The following NCAPG2 variants were observed in gnomAD, a reference collection of about 807,000 sequenced individuals.
NCAPG2 encodes non-SMC condensin II complex subunit G2.
A neutral mutation model predicts 141.1 loss-of-function variants in NCAPG2; 53 were observed. The ratio of observed to expected loss-of-function variants is 0.38; its 90% confidence interval spans 0.30 to 0.47. The LOEUF is 0.47. Among genes scored for constraint, NCAPG2 ranks in the 20% least tolerant of loss-of-function variants. NCAPG2 has a pLI of 0.99. For missense variants in NCAPG2, 1,087 were observed against 1,389.0 expected (o/e 0.78, Z 3.46); for synonymous variants, 499 against 490.7 (o/e 1.02, Z -0.22).
At chr7:158,658,953 G>A (rs531735950) in intron 16 of NCAPG2, among the ~76,000 whole-genome samples, 9 of 150,264 alleles carry the variant, frequency 6.0e-5, no homozygotes, top group Non-Finnish European at 1.2e-4. Context: ...TGAGGTGAGA[G>A]GACTGCGTGA....
chr7:158,652,748 T>C (rs1342261873), intron 22 of NCAPG2, among the ~76,000 whole-genome samples: 2 of 152,216 alleles, frequency 1.3e-5, no homozygotes, highest in East Asian at 3.8e-4. Flanking sequence ...AAACTAAAAA[T>C]TGTGTTCATT....
intron 13 of NCAPG2, among the ~76,000 whole-genome samples, chr7:158,669,475 A>C (rs1336943627): frequency 2.0e-5 from 3 of 152,110 alleles, no homozygotes; most frequent in African/African-American, 7.2e-5. Context: ...TGAAATTGAC[A>C]TGCTTGGCCG....
intron 17 of NCAPG2, among the ~76,000 whole-genome samples, chr7:158,658,022 C>CA (rs1563521747): frequency 6.6e-6 from 1 of 151,888 alleles, no homozygotes; most frequent in Non-Finnish European, 1.5e-5. Flanking sequence ...CTGCGGAAGG[C>CA]CGCAGGGTCC....
intron 7 of NCAPG2, 57 bp from the exon 8 acceptor site, chr7:158,686,298 A>T: frequency 9.5e-7 from 1 of 1,055,066 alleles, no homozygotes; most frequent in Admixed American, 2.6e-5. Flanking sequence ...TTCTTTCAAC[A>T]TGTATCATTT....
At chr7:158,671,996 C>T (rs1587216366) in intron 12 of NCAPG2, among the ~76,000 whole-genome samples, 1 of 152,118 alleles carries the variant, frequency 6.6e-6, no homozygotes, top group Non-Finnish European at 1.5e-5. Context: ...AGAATAACTA[C>T]TGGTCACATG....
In NCAPG2 at chr7:158,644,296, T is replaced by C. The variant is rs777957458; in HGVS notation, c.3373A>G (p.Ile1125Val). 1.2e-6 allele frequency: 2 copies of C among 1,609,016 alleles called. No individual in the cohort carries two copies. Among genetic ancestry groups the C allele is most frequent in the Non-Finnish European group, 1.7e-6 (2 of 1,175,380 alleles). ...FMEITLEEDSIERFLYESSSR... is the reference protein window; with the variant it reads ...FMEITLEEDSVERFLYESSSR... ...TGAATATCTCTCCTTTACCTTTCAA[T>C]GCTATCCTCTTCCAAAGTAATTTCC... The change falls in exon 27 of 28, where the codon ATT becomes GTT. Residue 1125 changes from isoleucine to valine, a missense_variant. Ile to Val is a conservative substitution (Grantham distance 29). Coordinates refer to ENST00000356309, the MANE Select transcript of NCAPG2 (RefSeq NM_017760.7).
chr7:158,631,578 T>A lies in NCAPG2; in HGVS notation c.*88A>T, dbSNP rs1829894514. The A allele has an allele frequency of 5.6e-6, 7 of 1,248,810 alleles. No homozygotes were observed. In the Admixed American group the frequency reaches 7.2e-5, roughly 13 times the overall value. The allele number at this position is 1,248,810 out of a possible 1,614,324, so 77.4% of individuals were successfully genotyped here. A position where few individuals can be genotyped will look rare whatever the true frequency, so the allele number is the denominator to read the frequency against. ...CACCCTTTCCCTATTATATGGGTTATTAACATTAAAAACAATAGGAAAATA... is the reference window on the plus strand; with the variant it reads ...CACCCTTTCCCTATTATATGGGTTAATAACATTAAAAACAATAGGAAAATA... On this transcript the variant is annotated 3_prime_UTR_variant, in exon 28 of 28. Coordinates refer to ENST00000356309, the MANE Select transcript of NCAPG2 (RefSeq NM_017760.7).
intron 5 of NCAPG2, 144 bp downstream of exon 5, chr7:158,690,424 A>C: frequency 1.4e-6 from 1 of 708,794 alleles, no homozygotes; most frequent in Non-Finnish European, 2.3e-6. Context: ...GCACTCCTGA[A>C]GTCTCAGCTA....
intron 27 of NCAPG2, among the ~76,000 whole-genome samples, chr7:158,637,153 T>G (rs923399080): frequency 6.6e-6 from 1 of 152,148 alleles, no homozygotes; most frequent in South Asian, 2.1e-4. Flanking sequence ...TTCACCGTGT[T>G]AGCCAGGATG....
At chr7:158,678,912 G>C (rs189452072) in intron 11 of NCAPG2, among the ~76,000 whole-genome samples, 1 of 152,098 alleles carries the variant, frequency 6.6e-6, no homozygotes, top group East Asian at 1.9e-4. Flanking sequence ...GTGCAGTTGT[G>C]TGATCATGGC....
chr7:158,667,211 G>A (rs1563537519), intron 13 of NCAPG2: 1 of 985,462 alleles, frequency 1.0e-6, no homozygotes, highest in Non-Finnish European at 1.2e-6. Context: ...CAAACGTTCT[G>A]CCTTCTTCCT....
At chr7:158,661,537 T>C (rs1223320099) in intron 16 of NCAPG2, among the ~76,000 whole-genome samples, 2 of 152,156 alleles carry the variant, frequency 1.3e-5, no homozygotes, top group Non-Finnish European at 2.9e-5. Context: ...ATCTATCCTA[T>C]AACATGGTGA....
chr7:158,682,025 GGAGTT>G (rs1335744719), intron 9 of NCAPG2, among the ~76,000 whole-genome samples: 1 of 152,016 alleles, frequency 6.6e-6, no homozygotes, highest in Non-Finnish European at 1.5e-5. Flanking sequence ...ACAATTACTT[GGAGTT>G]GAGTAACACG....
chr7:158,691,325 AC>A (rs1181784204), intron 4 of NCAPG2, among the ~76,000 whole-genome samples: 1 of 152,238 alleles, frequency 6.6e-6, no homozygotes, highest in African/African-American at 2.4e-5. Flanking sequence ...GTTGATAGCA[AC>A]TACAGTGTTA....
In NCAPG2 at chr7:158,689,912, TAA is replaced by T; in HGVS notation, c.577_578del (p.Leu193IlefsTer4). 6.2e-7 allele frequency: 1 copy of T among 1,605,606 alleles called. No individual in the cohort carries two copies. Among genetic ancestry groups the T allele is most frequent in the East Asian group, 2.2e-5 (1 of 44,498 alleles). ...VCRLWRIHQA[L>X]YCFDYDLEES... ...CCTCCAAATCATAATCAAAGCAATA[TAA>T]AGCTTGATGGATACGCCAAAGCCGA... is the stretch of plus-strand genomic sequence containing the variant. On this transcript the variant is annotated frameshift_variant, in exon 6 of 28. Transcript: ENST00000356309. LOFTEE classifies it high-confidence loss of function.
At position 158,664,666 on chromosome 7, in the gene NCAPG2, T is replaced by C. The variant is rs1245185946; in HGVS notation, c.1564A>G (p.Ile522Val). The C allele has an allele frequency of 6.2e-7, 1 of 1,614,094 alleles. No homozygotes were observed. Among genetic ancestry groups the C allele is most frequent in the Non-Finnish European group, 8.5e-7 (1 of 1,180,028 alleles). The change falls in exon 14 of 28, where the codon ATC (isoleucine) becomes GTC (valine). Residue 522 changes from isoleucine (I) to valine (V), a missense_variant. Coordinates refer to ENST00000356309, the MANE Select transcript of NCAPG2 (RefSeq NM_017760.7). ...RPVSRRLVSL[I>V]FNSFLPVNQP... is the part of the protein sequence containing the mutation. ...TTCACAGGCAGGAAAGAATTAAAGA[T>C]GAGGCTCACCAGGCGCCGAGACACA...
intron 15 of NCAPG2, among the ~76,000 whole-genome samples, chr7:158,662,811 A>G (rs1832620401): frequency 6.6e-6 from 1 of 152,210 alleles, no homozygotes; most frequent in African/African-American, 2.4e-5. Flanking sequence ...GCCAAAACCC[A>G]GCCTATCAGG....
intron 1 of NCAPG2, chr7:158,703,727 G>C (rs1028270416): frequency 6.6e-6 from 1 of 152,272 alleles, no homozygotes. Flanking sequence ...GCATTAAAAA[G>C]AAGAAATCCC....
chr7:158,634,332 C>A (rs1226189001), intron 27 of NCAPG2, among the ~76,000 whole-genome samples: 1 of 152,038 alleles, frequency 6.6e-6, no homozygotes, highest in African/African-American at 2.4e-5. Flanking sequence ...ACTATATTGT[C>A]TATATACTAT....
Sources: gnomAD v4.1 joint callset for allele counts (sites outside exome capture counted in the v4.1 genomes callset) on GRCh38, gnomAD v4.1.1 for gene constraint, MANE v1.5 for transcripts, NCBI Gene and HGNC (gene_info 2026-07-23, HGNC 2026-07-21) for gene names.